SLC24A4: variants seen among roughly 807,000 people sequenced by gnomAD.
SLC24A4 encodes solute carrier family 24 member 4, also known as sodium/potassium/calcium exchanger 4.
SLC24A4 carries 53 observed loss-of-function variants against 79.0 expected under a neutral mutation model. That is an observed-to-expected ratio of 0.67 (90% CI 0.54 to 0.84). SLC24A4 has a LOEUF of 0.84. Among genes scored for constraint, SLC24A4 ranks in the 40% least tolerant of loss-of-function variants. The pLI, the probability that SLC24A4 is intolerant of heterozygous loss-of-function variation, is 0.00. For synonymous variants in SLC24A4, 323 were observed against 323.8 expected (o/e 1.00, Z 0.03); for missense variants, 731 against 822.0 (o/e 0.89, Z 1.35).
intron 2 of SLC24A4, among the ~76,000 whole-genome samples, chr14:92,376,673 C>A (rs1385919553): frequency 6.6e-6 from 1 of 152,230 alleles, no homozygotes; most frequent in Non-Finnish European, 1.5e-5. Flanking sequence ...GGATTATCCT[C>A]CCAGCTCCAA....
intron 2 of SLC24A4, among the ~76,000 whole-genome samples, chr14:92,331,896 C>T (rs1461718407): frequency 6.6e-6 from 1 of 152,142 alleles, no homozygotes; most frequent in Non-Finnish European, 1.5e-5. Context: ...TTTTCTCTTC[C>T]TTATGATTTT....
chr14:92,381,412 C>G (rs1454490484), intron 2 of SLC24A4, among the ~76,000 whole-genome samples: 1 of 152,096 alleles, frequency 6.6e-6, no homozygotes, highest in Non-Finnish European at 1.5e-5. Flanking sequence ...AGGGGAACAT[C>G]ATACCCTGGG....
At chr14:92,325,546 C>T (rs1355422444) in intron 1 of SLC24A4, among the ~76,000 whole-genome samples, 1 of 152,218 alleles carries the variant, frequency 6.6e-6, no homozygotes, top group Non-Finnish European at 1.5e-5. Context: ...CTGAGAGTGT[C>T]CTTTACTGGA....
chr14:92,339,526 A>G (rs1303537677), intron 2 of SLC24A4, among the ~76,000 whole-genome samples: 1 of 152,194 alleles, frequency 6.6e-6, no homozygotes, highest in Non-Finnish European at 1.5e-5. Context: ...AACTTGCTCA[A>G]GGTCTCCCAG....
At chr14:92,491,904 G>T in intron 15 of SLC24A4, 127 bp downstream of exon 15, 1 of 767,574 alleles carries the variant, frequency 1.3e-6, no homozygotes, top group Non-Finnish European at 2.2e-6. Flanking sequence ...CATTTTCCAT[G>T]GCGGCTTCTA....
In SLC24A4 at chr14:92,490,836, G is replaced by A. The variant is rs988932545; in HGVS notation, c.1538-829G>A. On this transcript the variant is annotated intron_variant, in intron 14 of 16. Transcript: ENST00000532405. The surrounding 1 kb of genome is among the most constrained non-coding windows in gnomAD (Gnocchi z 4.3). ...GCTTCGTTCCCACAAACGGGGTGCC[G>A]TAAACAACGGAAGTGTATTGTCTTG... Among the ~76,000 whole-genome samples, 12 of 152,202 alleles carry A rather than the reference G, an allele frequency of 7.9e-5. No homozygotes were observed. The highest frequency in any genetic ancestry group is 1.3e-4 in the Non-Finnish European group (9 of 68,028).
Position 92,453,915 on chromosome 14 carries a change from A to G in SLC24A4, c.896A>G (p.Gln299Arg), listed in dbSNP as rs1270504521. ...CGCTCAACAGTGAAGGAGAAGCCAC[A>G]GTATGGCAAGAACCCCGTGGTGATG... The part of the protein sequence containing the change: ...PLLGQVKEKP[Q>R]YGKNPVVMVD... Residue 299 changes from glutamine (Q) to arginine (R), a missense_variant, in exon 11 of 17, where the codon CAG becomes CGG. By Grantham distance (43) the Gln-to-Arg change is conservative. Coordinates refer to ENST00000532405, the MANE Select transcript of SLC24A4 (RefSeq NM_153646.4). The G allele has an allele frequency of 6.2e-7, 1 of 1,611,122 alleles. No individual in the cohort carries two copies. Among genetic ancestry groups the G allele is most frequent in the Non-Finnish European group, 8.5e-7 (1 of 1,178,858 alleles).
chr14:92,454,144 GGTGCCA>G, intron 11 of SLC24A4, 75 bp downstream of exon 11: 13 of 1,480,662 alleles, frequency 8.8e-6, no homozygotes, highest in Non-Finnish European at 1.2e-5. Flanking sequence ...GGCTCTTCCT[GGTGCCA>G]TTGATCACTG....
intron 12 of SLC24A4, among the ~76,000 whole-genome samples, chr14:92,463,926 T>G (rs886423690): frequency 1.3e-5 from 2 of 152,226 alleles, no homozygotes; most frequent in Non-Finnish European, 2.9e-5. Context: ...ACTGGCTTCC[T>G]TTACCTAACA....
intron 2 of SLC24A4, among the ~76,000 whole-genome samples, chr14:92,400,596 G>T (rs1019504672): frequency 6.6e-6 from 1 of 152,138 alleles, no homozygotes; most frequent in Non-Finnish European, 1.5e-5. Flanking sequence ...TTTTACCCTT[G>T]ACTTTGAACC....
chr14:92,491,693 C>T lies in SLC24A4; in HGVS notation c.1566C>T (p.Thr522=). The T allele has an allele frequency of 6.2e-7, 1 of 1,613,954 alleles. No homozygotes were observed. Among genetic ancestry groups the T allele is most frequent in the South Asian group, 1.1e-5 (1 of 91,076 alleles). The part of the protein sequence containing the change: ...QGLGDMAVSN[T]IGSNVFDILV... ...TTGGGGACATGGCAGTCTCCAACAC[C>T]ATAGGAAGCAACGTGTTTGACATCC... The change falls in exon 15 of 17, where the codon ACC becomes ACT. Residue 522 remains threonine (T), a synonymous_variant. Coordinates refer to ENST00000532405, the MANE Select transcript of SLC24A4 (RefSeq NM_153646.4).
At chr14:92,405,484 T>C (rs531193599) in intron 2 of SLC24A4, among the ~76,000 whole-genome samples, 34 of 152,294 alleles carry the variant, frequency 2.2e-4, no homozygotes, top group African/African-American at 7.9e-4. Flanking sequence ...CAGGGTGTAT[T>C]AGTCTATTCT....
intron 3 of SLC24A4, among the ~76,000 whole-genome samples, chr14:92,438,808 A>G (rs956137094): frequency 2.0e-5 from 3 of 152,146 alleles, no homozygotes; most frequent in African/African-American, 7.2e-5. Context: ...GACTGATTAC[A>G]TCATTGGCCA....
rs1041686965 is a variant in SLC24A4 at position 92,343,765 on chromosome 14, C to T, written c.241+17787C>T. Among the ~76,000 whole-genome samples the T allele has an allele frequency of 3.3e-5, 5 of 151,002 alleles. No homozygotes were observed. The East Asian group carries it at 5.9e-4, about 18-fold the overall frequency. On this transcript the variant is annotated intron_variant, in intron 2 of 16. Transcript: ENST00000532405. ...TCACCCAGACTGGAGTGCAGTGGCA[C>T]GATCTTGGCTCACTGCATCCTCCGC...
rs1018271338 is a variant in SLC24A4, at chr14:92,492,382, A to G, written c.1716+142A>G. 1.1e-5 allele frequency: 8 copies of G among 759,356 alleles called. No individual in the cohort carries two copies. The Admixed American group carries it at 2.1e-4, about 20-fold the overall frequency. 47.0% of individuals were successfully genotyped at this position (759,356 alleles called of 1,614,324 possible). A position where few individuals can be genotyped will look rare whatever the true frequency, so the allele number is the denominator to read the frequency against. ...AAGGCAAGAAAATGTAGACGTTCAT[A>G]GACACACCCAAGTCCAGTCTTTGCC... is the stretch of plus-strand genomic sequence containing the variant. On this transcript the variant is annotated intron_variant, in intron 16 of 16. Coordinates refer to ENST00000532405, the MANE Select transcript of SLC24A4 (RefSeq NM_153646.4).
chr14:92,411,042 C>A (rs907682770), intron 2 of SLC24A4, among the ~76,000 whole-genome samples: 3 of 152,170 alleles, frequency 2.0e-5, no homozygotes, highest in Admixed American at 2.0e-4. Flanking sequence ...GAGCTCTCCC[C>A]TCAGACTGAC....
chr14:92,467,745 A>G (rs778542665), intron 12 of SLC24A4, among the ~76,000 whole-genome samples: 8 of 152,178 alleles, frequency 5.3e-5, no homozygotes, highest in African/African-American at 1.9e-4. Flanking sequence ...CCTGAACAGA[A>G]TACCAGTGAC....
At position 92,398,122 on chromosome 14, in the gene SLC24A4, C is replaced by A. The variant is rs1164007116; in HGVS notation, c.242-35790C>A. Among the ~76,000 whole-genome samples the A allele has an allele frequency of 6.6e-6, 1 of 152,204 alleles. No individual in the cohort carries two copies. Among genetic ancestry groups the A allele is most frequent in the Non-Finnish European group, 1.5e-5 (1 of 68,030 alleles). ...GGCCGTGGCTGCCATCCCTTTAGGT[C>A]CACACACCAAAAGAGGCTTTGTTTT... On this transcript the variant is annotated intron_variant, in intron 2 of 16. Coordinates refer to ENST00000532405, the MANE Select transcript of SLC24A4 (RefSeq NM_153646.4). This position sits in a 1 kb window ranked among gnomAD's most constrained non-coding sequence, Gnocchi z 4.1.
Position 92,469,839 on chromosome 14 carries a change from T to C in SLC24A4, c.1256-12841T>C, listed in dbSNP as rs1894339654. ...AGCCCCCATGTTACAATTCCATTTA[T>C]ATGGAACGCCCAGAATAGTCAAATC... is the stretch of plus-strand genomic sequence containing the variant. On this transcript the variant is annotated intron_variant, in intron 12 of 16. Transcript: ENST00000532405. 2.0e-5 allele frequency among the ~76,000 whole-genome samples: 3 copies of C among 152,168 alleles called. No individual in the cohort carries two copies. The South Asian group carries it at 6.2e-4, about 32-fold the overall frequency.
Sources: allele counts gnomAD v4.1 joint callset (sites outside exome capture counted in the v4.1 genomes callset), GRCh38; gene constraint gnomAD v4.1.1; non-coding constraint Gnocchi (gnomAD v3.1); transcripts MANE v1.5; gene names NCBI Gene and HGNC (gene_info 2026-07-23, HGNC 2026-07-21).